The following DYNLRB1 variants were observed in gnomAD, a reference collection of about 807,000 sequenced individuals.
The protein encoded by DYNLRB1 is dynein light chain roadblock-type 1.
A neutral mutation model predicts 13.5 loss-of-function variants in DYNLRB1; 6 were observed. The observed-to-expected ratio is 0.44, with a 90% confidence interval of 0.24 to 0.88. The LOEUF is 0.88. Ranked by LOEUF, DYNLRB1 falls within the 40% of genes least tolerant of loss-of-function variation. The pLI is 0.21. For missense variants in DYNLRB1, 93 were observed against 127.2 expected (o/e 0.73, Z 1.29); for synonymous variants, 43 against 45.0 (o/e 0.96, Z 0.18).
chr20:34,526,328 G>C lies in DYNLRB1; in HGVS notation c.64G>C (p.Val22Leu). The change falls in exon 2 of 4, where the codon GTC becomes CTC. Residue 22 changes from valine (V) to leucine (L), a missense_variant. By Grantham distance (32) the Val-to-Leu change is conservative. Coordinates refer to ENST00000357156, the MANE Select transcript of DYNLRB1 (RefSeq NM_014183.4). ...QSQKGVQGII[V>L]VNTEGIPIKS... ...CCAGAAGGGAGTGCAGGGAATCATC[G>C]TCGTGAACACAGAAGGTACGCCCTC... 3 of 1,614,016 alleles carry C rather than the reference G, an allele frequency of 1.9e-6. No homozygotes were observed. The highest frequency in any genetic ancestry group is 2.5e-6 in the Non-Finnish European group (3 of 1,179,976).
chr20:34,522,469 C>CTTTTTTTTTTTTTTTTTTTTTT (rs771811577), intron 1 of DYNLRB1, among the ~76,000 whole-genome samples: 39 of 77,202 alleles, frequency 5.1e-4, no homozygotes, highest in African/African-American at 5.4e-4. Flanking sequence ...TTTTCTTTTT[C>CTTTTTTTTTTTTTTTTTTTTTT]TTTTTTTTTT....
At chr20:34,537,673 C>T (rs1156236460) in intron 3 of DYNLRB1, among the ~76,000 whole-genome samples, 2 of 152,194 alleles carry the variant, frequency 1.3e-5, no homozygotes, top group Non-Finnish European at 2.9e-5. Flanking sequence ...GCCTAGGAGG[C>T]CCTGGCGCTG....
chr20:34,526,877 C>T (rs1980266575), intron 2 of DYNLRB1, among the ~76,000 whole-genome samples: 1 of 152,174 alleles, frequency 6.6e-6, no homozygotes, highest in Admixed American at 6.5e-5. Flanking sequence ...ATTACATCCC[C>T]ATTTGTGTTG....
At chr20:34,534,107 G>A (rs1318749122) in intron 2 of DYNLRB1, among the ~76,000 whole-genome samples, 1 of 152,172 alleles carries the variant, frequency 6.6e-6, no homozygotes, top group African/African-American at 2.4e-5. Flanking sequence ...TCCAGCCTGG[G>A]CAACAGAGCA....
intron 3 of DYNLRB1, among the ~76,000 whole-genome samples, chr20:34,538,327 C>T (rs1316447685): frequency 2.0e-5 from 3 of 151,604 alleles, no homozygotes; most frequent in African/African-American, 7.3e-5. Flanking sequence ...TTCCCAGCTA[C>T]TCGGGAGGCT....
chr20:34,531,792 G>A (rs1038542049), intron 2 of DYNLRB1, among the ~76,000 whole-genome samples: 4 of 152,188 alleles, frequency 2.6e-5, no homozygotes, highest in Non-Finnish European at 5.9e-5. Flanking sequence ...GAAAAACTGC[G>A]TGGTGCTGGG....
chr20:34,536,397 G>T (rs1288074606), intron 3 of DYNLRB1: 5 of 985,372 alleles, frequency 5.1e-6, no homozygotes, highest in Non-Finnish European at 4.8e-6. Flanking sequence ...TTAAACTGCA[G>T]TTCCTCCCAG....
At chr20:34,518,777 A>G (rs1329076398) in intron 1 of DYNLRB1, among the ~76,000 whole-genome samples, 2 of 152,114 alleles carry the variant, frequency 1.3e-5, no homozygotes, top group Non-Finnish European at 2.9e-5. Flanking sequence ...GCATCTATAC[A>G]AGCACTTATA....
At chr20:34,516,336 G>T, upstream of DYNLRB1, 1 of 1,428,902 alleles carries the variant, frequency 7.0e-7, no homozygotes. Flanking sequence ...GCCCGCCCCC[G>T]CCTCACGCTG....
At chr20:34,516,895 C>G (rs1284201645) in intron 1 of DYNLRB1, 3 of 1,478,658 alleles carry the variant, frequency 2.0e-6, no homozygotes, top group Non-Finnish European at 2.7e-6. Flanking sequence ...AATCTTTAGT[C>G]CCATTTTGTT....
intron 2 of DYNLRB1, among the ~76,000 whole-genome samples, chr20:34,531,558 C>T (rs765407821): frequency 2.6e-5 from 4 of 152,226 alleles, no homozygotes; most frequent in African/African-American, 4.8e-5. Context: ...CTGTTTTACA[C>T]AGCTCCCGCT....
At position 34,534,825 on chromosome 20, in the gene DYNLRB1, A is replaced by T. The variant is rs930919306; in HGVS notation, c.247+30A>T. ...GGGGTCTTCTACCTCCCCATGTAGGAACAGACCTCATGGCACATTCTCTGT... is the reference window on the plus strand; with the variant it reads ...GGGGTCTTCTACCTCCCCATGTAGGTACAGACCTCATGGCACATTCTCTGT... On this transcript the variant is annotated intron_variant, in intron 3 of 3. Coordinates refer to ENST00000357156, the MANE Select transcript of DYNLRB1 (RefSeq NM_014183.4). 5 of 1,613,696 alleles carry T rather than the reference A, an allele frequency of 3.1e-6. No individual in the cohort carries two copies. The African/African-American group carries it at 6.7e-5, about 22-fold the overall frequency.
intron 2 of DYNLRB1, chr20:34,530,833 G>A (rs1016628674): frequency 6.6e-6 from 1 of 152,182 alleles, no homozygotes; most frequent in African/African-American, 2.4e-5. Context: ...TCTTTCTTGA[G>A]GACACCCTCA....
intron 2 of DYNLRB1, among the ~76,000 whole-genome samples, chr20:34,528,678 T>C (rs6058073): frequency 0.45 from 68,766 of 152,018 alleles, 16,083 homozygotes; most frequent in Non-Finnish European, 0.5. Flanking sequence ...TAATAATTGT[T>C]ATAATGGCTG....
chr20:34,519,589 T>C (rs762093306), intron 1 of DYNLRB1, among the ~76,000 whole-genome samples: 12 of 152,196 alleles, frequency 7.9e-5, no homozygotes, highest in Non-Finnish European at 1.5e-4. Context: ...CTTAAAAATA[T>C]CACACATTTT....
chr20:34,535,286 A>G, intron 3 of DYNLRB1: 4 of 985,258 alleles, frequency 4.1e-6, no homozygotes, highest in Non-Finnish European at 4.8e-6. Context: ...ATCCTTGAAA[A>G]CATGTTCTCT....
At chr20:34,540,534 C>T in intron 3 of DYNLRB1, 47 bp from the exon 4 acceptor site, 1 of 1,563,356 alleles carries the variant, frequency 6.4e-7, no homozygotes, top group Non-Finnish European at 8.8e-7. Context: ...GTGTGTTTTT[C>T]TCTCATTTTA....
intron 2 of DYNLRB1, 85 bp from the exon 3 acceptor site, chr20:34,534,543 C>A: frequency 6.9e-7 from 1 of 1,451,734 alleles, no homozygotes; most frequent in East Asian, 2.3e-5. Context: ...AACTGCTATT[C>A]CAGTTCTCCC....
chr20:34,530,162 T>A, intron 2 of DYNLRB1: 1 of 1,199,852 alleles, frequency 8.3e-7, no homozygotes. Flanking sequence ...AGGCCCTCAT[T>A]CTTGCCTTAA....
Sources: gnomAD v4.1 joint callset for allele counts (sites outside exome capture counted in the v4.1 genomes callset) on GRCh38, gnomAD v4.1.1 for gene constraint, MANE v1.5 for transcripts, NCBI Gene and HGNC (gene_info 2026-07-23, HGNC 2026-07-21) for gene names.